ERI1: variants seen among roughly 807,000 people sequenced by gnomAD.
ERI1 encodes exoribonuclease 1.
In ERI1, 39 loss-of-function variants were observed where a neutral mutation model predicts 39.7. That is an observed-to-expected ratio of 0.98 (90% CI 0.76 to 1.28). The LOEUF (loss-of-function observed/expected upper bound fraction) is 1.28. Among genes scored for constraint, ERI1 ranks in the 50% most tolerant of loss-of-function variants. ERI1 has a pLI of 0.00. For synonymous variants in ERI1, 204 were observed against 149.6 expected, an observed-to-expected ratio of 1.36 and a Z score of -2.65; for missense variants, 581 against 416.9, an observed-to-expected ratio of 1.39 and a Z score of -3.43.
chr8:9,025,276 A>C (rs1818350801), intron 6 of ERI1, among the ~76,000 whole-genome samples: 1 of 152,200 alleles, frequency 6.6e-6, no homozygotes, highest in South Asian at 2.1e-4. Context: ...ATCAAGCCCA[A>C]GCAAAAGGTG....
downstream of ERI1, among the ~76,000 whole-genome samples, chr8:9,036,100 ATCTATTCCTGGTGAAGATGCT>A (rs1797836773): frequency 6.6e-6 from 1 of 152,216 alleles, no homozygotes; most frequent in Non-Finnish European, 1.5e-5. Context: ...TTGAGATGGA[ATCTATTCCTGGTGAAGATGCT>A]GTAAACATTC....
At chr8:9,017,797 C>T (rs1817465274) in intron 4 of ERI1, among the ~76,000 whole-genome samples, 1 of 152,170 alleles carries the variant, frequency 6.6e-6, no homozygotes, top group African/African-American at 2.4e-5. Context: ...GGGTCTTGTG[C>T]ATCTATTTGT....
At chr8:9,028,811 A>G (rs930921423) in intron 6 of ERI1, among the ~76,000 whole-genome samples, 3 of 151,920 alleles carry the variant, frequency 2.0e-5, no homozygotes, top group African/African-American at 7.3e-5. Flanking sequence ...TTTAGTAGAG[A>G]TGGGGTTTCA....
At chr8:9,021,892 G>C (rs1270285431) in intron 6 of ERI1, among the ~76,000 whole-genome samples, 4 of 145,698 alleles carry the variant, frequency 2.7e-5, no homozygotes, top group Non-Finnish European at 6.0e-5. Flanking sequence ...TTGTTTATCT[G>C]TTCTACTTTG....
chr8:9,094,188 G>A (rs145409921), intron 3 of ERI1, among the ~76,000 whole-genome samples: 1 of 152,178 alleles, frequency 6.6e-6, no homozygotes, highest in African/African-American at 2.4e-5. Context: ...CATTAGCTAC[G>A]GTGTTTCTTG....
At chr8:9,097,322 G>C (rs993698475) in intron 3 of ERI1, among the ~76,000 whole-genome samples, 2 of 152,018 alleles carry the variant, frequency 1.3e-5, no homozygotes, top group African/African-American at 4.8e-5. Flanking sequence ...TTTGGTACTG[G>C]GGACCCAGTG....
rs1036518189 is a variant in ERI1, at chr8:9,032,528, TC to T, written c.*2496del. 7 of 152,212 alleles carry T rather than the reference TC, an allele frequency of 4.6e-5. No homozygotes were observed. Among genetic ancestry groups the T allele is most frequent in the Non-Finnish European group, 1.5e-5 (1 of 68,042 alleles). 9.4% of individuals were successfully genotyped at this position (152,212 alleles called of 1,614,324 possible). A position where few individuals can be genotyped will look rare whatever the true frequency, so the allele number is the denominator to read the frequency against. On this transcript the variant is annotated 3_prime_UTR_variant, in exon 7 of 7. Coordinates refer to ENST00000250263, the MANE Select transcript of ERI1 (RefSeq NM_153332.4). ...TGTGTCTTTGTTGCCTTGAGATAGA[TC>T]CATTTATCCTGCCTCCTAGGGAGAA...
chr8:9,061,011 T>C (rs538480043), intron 3 of ERI1, among the ~76,000 whole-genome samples: 4 of 152,208 alleles, frequency 2.6e-5, no homozygotes, highest in Non-Finnish European at 5.9e-5. Flanking sequence ...AGAGTCAGTA[T>C]AAATATTGAC....
At chr8:9,052,875 G>C (rs1316490105) in intron 3 of ERI1, among the ~76,000 whole-genome samples, 19 of 152,160 alleles carry the variant, frequency 1.2e-4, no homozygotes, top group Admixed American at 1.2e-3. Context: ...AGTTTCAGGA[G>C]AGAGGCTGGC....
chr8:9,018,802 A>C (rs68043139), intron 5 of ERI1, among the ~76,000 whole-genome samples: 22,451 of 151,756 alleles, frequency 0.15, 1,822 homozygotes, highest in African/African-American at 0.19. Flanking sequence ...AGGAATTCAC[A>C]TGGTTTACCC....
At chr8:9,038,650 G>C (rs1042618332) in intron 3 of ERI1, among the ~76,000 whole-genome samples, 1 of 152,142 alleles carries the variant, frequency 6.6e-6, no homozygotes, top group African/African-American at 2.4e-5. Context: ...CCATCTACTT[G>C]GGGGGCTGAC....
intron 3 of ERI1, among the ~76,000 whole-genome samples, chr8:9,081,406 C>G (rs1404566075): frequency 6.6e-6 from 1 of 152,174 alleles, no homozygotes; most frequent in Admixed American, 6.5e-5. Flanking sequence ...CATTGAGGTT[C>G]TTTATACTAG....
chr8:9,095,358 A>T (rs1292930854), intron 3 of ERI1, among the ~76,000 whole-genome samples: 1 of 151,942 alleles, frequency 6.6e-6, no homozygotes, highest in Non-Finnish European at 1.5e-5. Context: ...CGTTCTCTCT[A>T]CCTCTCCCTA....
intron 3 of ERI1, among the ~76,000 whole-genome samples, chr8:9,078,281 C>A (rs569811448): frequency 1.3e-5 from 2 of 152,316 alleles, no homozygotes; most frequent in South Asian, 2.1e-4. Flanking sequence ...TGAGCCACCA[C>A]ACCTGCCCTA....
At chr8:9,033,632 A>T (rs1403109296), downstream of ERI1, among the ~76,000 whole-genome samples, 1 of 152,258 alleles carries the variant, frequency 6.6e-6, no homozygotes, top group African/African-American at 2.4e-5. Flanking sequence ...TCCATTGTTT[A>T]GTAAGAATCT....
chr8:9,003,212 C>G (rs1165999963), intron 1 of ERI1, 41 bp downstream of exon 1: 1 of 1,195,650 alleles, frequency 8.4e-7, no homozygotes, highest in Non-Finnish European at 1.0e-6. Context: ...CGCCAGCTGC[C>G]CCGTCCCCAA....
intron 3 of ERI1, among the ~76,000 whole-genome samples, chr8:9,068,441 A>T (rs947496504): frequency 6.6e-6 from 1 of 152,118 alleles, no homozygotes; most frequent in African/African-American, 2.4e-5. Flanking sequence ...GGCTCAAGTG[A>T]TCCTCCTGCC....
chr8:9,027,808 T>C (rs1797293123), intron 6 of ERI1, among the ~76,000 whole-genome samples: 1 of 152,220 alleles, frequency 6.6e-6, no homozygotes. Context: ...TATTAGTTTG[T>C]ATGTCTATAC....
chr8:9,003,590 C>T (rs139785054), intron 1 of ERI1, among the ~76,000 whole-genome samples: 297 of 152,280 alleles, frequency 2.0e-3, no homozygotes, highest in African/African-American at 6.9e-3. Flanking sequence ...ATTTAAAAAG[C>T]ACTCACCAGC....
Sources: allele counts gnomAD v4.1 joint callset (sites outside exome capture counted in the v4.1 genomes callset), GRCh38; gene constraint gnomAD v4.1.1; transcripts MANE v1.5; gene names NCBI Gene and HGNC (gene_info 2026-07-23, HGNC 2026-07-21).